Variants in GNAI2 observed in about 807,000 individuals in gnomAD.
GNAI2 encodes the protein G protein subunit alpha i2, also known as guanine nucleotide-binding protein G(i) subunit alpha-2.
Under a neutral mutation model 36.8 loss-of-function variants are expected in GNAI2, and 4 were observed. That is an observed-to-expected ratio of 0.11 (90% CI 0.05 to 0.25). The LOEUF (loss-of-function observed/expected upper bound fraction) is 0.25, where lower values mean the gene tolerates loss of function less well. Ranked by LOEUF, GNAI2 falls within the 10% of genes least tolerant of loss-of-function variation. GNAI2 has a pLI of 1.00. For synonymous variants in GNAI2, 194 were observed against 194.1 expected, an observed-to-expected ratio of 1.00 and a Z score of 0.01; for missense variants, 230 against 481.3, an observed-to-expected ratio of 0.48 and a Z score of 4.89.
chr3:50,232,812 A>G (rs587668310), upstream of GNAI2, among the ~76,000 whole-genome samples: 1 of 150,440 alleles, frequency 6.6e-6, no homozygotes, highest in African/African-American at 2.4e-5. Context: ...ACAAATACAG[A>G]TTGGAGGGGA....
At chr3:50,246,142 G>A (rs1438349736) in intron 1 of GNAI2, among the ~76,000 whole-genome samples, 1 of 152,222 alleles carries the variant, frequency 6.6e-6, no homozygotes, top group Non-Finnish European at 1.5e-5. Context: ...CCAGGGGCGG[G>A]GCTCAGAGGG....
At chr3:50,245,864 C>A (rs1700407459) in intron 1 of GNAI2, among the ~76,000 whole-genome samples, 2 of 152,242 alleles carry the variant, frequency 1.3e-5, no homozygotes, top group African/African-American at 4.8e-5. Flanking sequence ...GGAAGCCAGG[C>A]CCTGCTTGGT....
intron 1 of GNAI2, among the ~76,000 whole-genome samples, chr3:50,244,835 G>A (rs1181028035): frequency 2.0e-5 from 3 of 152,138 alleles, no homozygotes; most frequent in Admixed American, 6.6e-5. Flanking sequence ...GAGCAGAAGC[G>A]TCCAAGCCTC....
chr3:50,246,276 C>G (rs1248600148), intron 1 of GNAI2, among the ~76,000 whole-genome samples: 2 of 152,146 alleles, frequency 1.3e-5, no homozygotes, highest in African/African-American at 4.8e-5. Context: ...CCCAGTCGCC[C>G]CTGGCTGAGG....
At chr3:50,235,961 TC>T (rs1700155606), upstream of GNAI2, 1 of 155,022 alleles carries the variant, frequency 6.5e-6, no homozygotes, top group African/African-American at 2.4e-5. Flanking sequence ...CAGTGCCGGG[TC>T]CCGGGGTTTG....
Position 50,258,661 on chromosome 3 carries a change from A to C in GNAI2, c.*318A>C. On this transcript the variant is annotated 3_prime_UTR_variant, in exon 9 of 9. Transcript: ENST00000313601. ...GAGGGGGGCACATGCTGAGTCTCCC[A>C]AGGCTGCGTCTGGAGGGGCCCCTGC... is the stretch of plus-strand genomic sequence containing the variant. 1 of 343,980 alleles carries C rather than the reference A, an allele frequency of 2.9e-6. No homozygotes were observed. Among genetic ancestry groups the C allele is most frequent in the Non-Finnish European group, 5.6e-6 (1 of 177,352 alleles). The allele number at this position is 343,980 out of a possible 1,614,324, so 21.3% of individuals were successfully genotyped here.
At position 50,259,159 on chromosome 3, in the gene GNAI2, C is replaced by T; in HGVS notation, c.*816C>T. On this transcript the variant is annotated 3_prime_UTR_variant, in exon 9 of 9. Coordinates refer to ENST00000313601, the MANE Select transcript of GNAI2 (RefSeq NM_002070.4). ...AGGGCCCTGCCCCAGCGGCCCTGGC[C>T]CCAGGCTCTATTAACCTAAAATGTA... 3.0e-6 allele frequency: 1 copy of T among 331,476 alleles called. No individual in the cohort carries two copies. Among genetic ancestry groups the T allele is most frequent in the Non-Finnish European group, 5.9e-6 (1 of 170,608 alleles). The allele number at this position is 331,476 out of a possible 1,614,324, so 20.5% of individuals were successfully genotyped here.
intron 1 of GNAI2, among the ~76,000 whole-genome samples, chr3:50,244,178 G>GCCA (rs1395212066): frequency 6.6e-6 from 1 of 151,964 alleles, no homozygotes; most frequent in Non-Finnish European, 1.5e-5. Context: ...ACAGGTACGT[G>GCCA]CCACCACGCC....
At position 50,242,567 on chromosome 3, in the gene GNAI2, C is replaced by A. The variant is rs1700321353; in HGVS notation, c.118+6114C>A. On this transcript the variant is annotated intron_variant, in intron 1 of 8. Transcript: ENST00000313601. The surrounding 1 kb of genome is among the most constrained non-coding windows in gnomAD (Gnocchi z 4.8). Reference sequence around the variant, plus strand: ...TGGAACCCCGTCTGCCCAGCCCCACCCAGCCCTTCTAGCTTGAAGCTCTCG... The same window carrying A: ...TGGAACCCCGTCTGCCCAGCCCCACACAGCCCTTCTAGCTTGAAGCTCTCG... 6.6e-6 allele frequency among the ~76,000 whole-genome samples: 1 copy of A among 152,132 alleles called. No homozygotes were observed. The highest frequency in any genetic ancestry group is 1.5e-5 in the Non-Finnish European group (1 of 68,016).
chr3:50,246,519 ACC>A (rs1270952222), intron 1 of GNAI2, among the ~76,000 whole-genome samples: 1 of 151,812 alleles, frequency 6.6e-6, no homozygotes, highest in African/African-American at 2.4e-5. Flanking sequence ...GCTCAGGGCT[ACC>A]CCCACCTGCC....
intron 1 of GNAI2, among the ~76,000 whole-genome samples, chr3:50,237,259 C>T (rs1429990750): frequency 2.0e-5 from 3 of 152,230 alleles, no homozygotes; most frequent in African/African-American, 7.2e-5. Context: ...TGGATTGAGG[C>T]TCCACTGGTC....
In GNAI2 at chr3:50,252,597, G is replaced by A; in HGVS notation, c.303+59G>A. ...CCAAAAGGTTTCGGGGTGGCTGGTT[G>A]TGGTGGCTCATGCCTATAAATCCCA... On this transcript the variant is annotated intron_variant, in intron 3 of 8. Coordinates refer to ENST00000313601, the MANE Select transcript of GNAI2 (RefSeq NM_002070.4). This position sits in a 1 kb window ranked among gnomAD's most constrained non-coding sequence, Gnocchi z 4.1. 1 of 1,424,952 alleles carries A rather than the reference G, an allele frequency of 7.0e-7. No individual in the cohort carries two copies. The highest frequency in any genetic ancestry group is 1.2e-5 in the South Asian group (1 of 84,616). 88.3% of individuals were successfully genotyped at this position (1,424,952 alleles called of 1,614,324 possible). A position where few individuals can be genotyped will look rare whatever the true frequency, so the allele number is the denominator to read the frequency against.
upstream of GNAI2, chr3:50,229,128 A>C (rs587638262): frequency 5.9e-5 from 9 of 152,342 alleles, 1 homozygote; most frequent in Admixed American, 2.0e-4. Context: ...AGAGGCTACC[A>C]GCCCCAGCCT....
chr3:50,253,487 G>A lies in GNAI2; in HGVS notation c.464+303G>A, dbSNP rs1181748527. ...CGGCCGGGCGTGGTGGCTCACGCCTGTAATCCCAGCACTTTGGGAGGCTGA... is the reference window on the plus strand; with the variant it reads ...CGGCCGGGCGTGGTGGCTCACGCCTATAATCCCAGCACTTTGGGAGGCTGA... On this transcript the variant is annotated intron_variant, in intron 4 of 8. Transcript: ENST00000313601. The surrounding 1 kb of genome is among the most constrained non-coding windows in gnomAD (Gnocchi z 4.2). Among the ~76,000 whole-genome samples, 1 of 152,208 alleles carries A rather than the reference G, an allele frequency of 6.6e-6. No individual in the cohort carries two copies. The highest frequency in any genetic ancestry group is 2.4e-5 in the African/African-American group (1 of 41,454).
chr3:50,232,530 G>C (rs1481288226), upstream of GNAI2, among the ~76,000 whole-genome samples: 1 of 152,192 alleles, frequency 6.6e-6, no homozygotes, highest in African/African-American at 2.4e-5. Flanking sequence ...AAAGTAACAA[G>C]TAGCTGGCAA....
intron 1 of GNAI2, chr3:50,251,737 T>A (rs1426321669): frequency 1.5e-5 from 20 of 1,319,128 alleles, no homozygotes; most frequent in Non-Finnish European, 2.0e-5. Context: ...ATGCACCAGC[T>A]GCACAGGTTG....
chr3:50,250,579 G>A (rs1219393696), intron 1 of GNAI2, among the ~76,000 whole-genome samples: 5 of 152,194 alleles, frequency 3.3e-5, no homozygotes, highest in African/African-American at 7.2e-5. Context: ...ACAGGGTCTG[G>A]GAAGGACAGC....
At position 50,252,014 on chromosome 3, in the gene GNAI2, C is replaced by G; in HGVS notation, c.119-86C>G. The G allele has an allele frequency of 7.4e-7, 1 of 1,347,902 alleles. No homozygotes were observed. The highest frequency in any genetic ancestry group is 1.2e-5 in the South Asian group (1 of 82,064). The allele number at this position is 1,347,902 out of a possible 1,614,324, so 83.5% of individuals were successfully genotyped here. On this transcript the variant is annotated intron_variant, in intron 1 of 8. Coordinates refer to ENST00000313601, the MANE Select transcript of GNAI2 (RefSeq NM_002070.4). The surrounding 1 kb of genome is among the most constrained non-coding windows in gnomAD (Gnocchi z 4.1). ...CTGGTGGGAAGGTTAGTTCTGCCTC[C>G]TGGGCTACAGGTGTCTGGGCATTTG... is the stretch of plus-strand genomic sequence containing the variant.
chr3:50,244,037 T>TC, intron 1 of GNAI2, among the ~76,000 whole-genome samples: 1 of 149,768 alleles, frequency 6.7e-6, no homozygotes, highest in African/African-American at 2.5e-5. Context: ...TTTTTTTTTT[T>TC]TTTTTTTTTG....
Sources: gnomAD v4.1 joint callset for allele counts (sites outside exome capture counted in the v4.1 genomes callset) on GRCh38, gnomAD v4.1.1 for gene constraint, Gnocchi (gnomAD v3.1) non-coding constraint, MANE v1.5 for transcripts, NCBI Gene and HGNC (gene_info 2026-07-23, HGNC 2026-07-21) for gene names.